Variants in CLIC5 observed in about 807,000 individuals in gnomAD.
CLIC5 encodes the protein CLIC family member 5.
A neutral mutation model predicts 24.7 loss-of-function variants in CLIC5; 20 were observed. That is an observed-to-expected ratio of 0.81 (90% CI 0.57 to 1.18). The LOEUF (loss-of-function observed/expected upper bound fraction) is 1.18. Among genes scored for constraint, CLIC5 ranks in the 50% most tolerant of loss-of-function variants. The probability of loss-of-function intolerance (pLI) is 0.00; values close to 1 mark genes in which losing one functional copy is unlikely to be tolerated. For missense variants in CLIC5, 341 were observed against 326.1 expected, an observed-to-expected ratio of 1.05 and a Z score of -0.35; for synonymous variants, 159 against 135.6, an observed-to-expected ratio of 1.17 and a Z score of -1.20.
intron 4 of CLIC5, 38 bp downstream of exon 4, chr6:45,941,509 C>G (rs768961564): frequency 6.7e-7 from 1 of 1,486,006 alleles, no homozygotes; most frequent in Non-Finnish European, 9.4e-7. Flanking sequence ...AGCAGATAGA[C>G]CACTGCCAAG....
intron 1 of CLIC5, among the ~76,000 whole-genome samples, chr6:45,968,475 G>A (rs149241256): frequency 6.6e-6 from 1 of 152,116 alleles, no homozygotes. Flanking sequence ...AGACATGTAG[G>A]TTTTTATCTA....
intron 1 of CLIC5, among the ~76,000 whole-genome samples, chr6:46,044,006 G>T (rs896451536): frequency 6.6e-6 from 1 of 152,256 alleles, no homozygotes; most frequent in African/African-American, 2.4e-5. Flanking sequence ...TGCATTGCCT[G>T]CTTCCATATG....
intron 3 of CLIC5, among the ~76,000 whole-genome samples, chr6:45,945,814 T>C (rs1764272701): frequency 6.6e-6 from 1 of 152,214 alleles, no homozygotes; most frequent in Admixed American, 6.5e-5. Flanking sequence ...CTATACATTT[T>C]GTAAAATAAT....
chr6:46,078,205 CA>C (rs1762821563), intron 1 of CLIC5, among the ~76,000 whole-genome samples: 1 of 151,898 alleles, frequency 6.6e-6, no homozygotes. Context: ...ACTAAAAATT[CA>C]AAAATTAGCC....
chr6:45,899,597 C>G lies in CLIC5; in HGVS notation c.*3491G>C, dbSNP rs1762458874. On this transcript the variant is annotated 3_prime_UTR_variant, in exon 6 of 6. Transcript: ENST00000339561. The stretch of plus-strand genomic sequence containing the variant: ...CCAGGCCTTGCTGATTTCTGGGACT[C>G]TCATATGGTCAAGATCTATTTCAGG... The G allele has an allele frequency of 6.6e-6, 1 of 152,316 alleles. No individual in the cohort carries two copies. The highest frequency in any genetic ancestry group is 2.4e-5 in the African/African-American group (1 of 41,442). 9.4% of individuals were successfully genotyped at this position (152,316 alleles called of 1,614,324 possible).
Position 46,061,181 on chromosome 6 carries a change from T to TTTTGTTTGTTTG in CLIC5, c.540+18510_540+18521dup, listed in dbSNP as rs70996361. 1.1e-3 allele frequency among the ~76,000 whole-genome samples: 170 copies of TTTTGTTTGTTTG among 152,028 alleles called. 1 individual carries two copies. Among genetic ancestry groups the TTTTGTTTGTTTG allele is most frequent in the Middle Eastern group, 6.8e-3 (2 of 294 alleles). ...CACCTTTATAGATTTTTGTTTTTGT[T>TTTTGTTTGTTTG]TTTGTTTGTTTGTTTGTTTGTTTGT... On this transcript the variant is annotated intron_variant, in intron 1 of 5. Coordinates refer to the CLIC5 transcript ENST00000185206.
chr6:46,085,560 G>A, the CLIC5 span, among the ~76,000 whole-genome samples: 5 of 152,294 alleles, frequency 3.3e-5, no homozygotes, highest in African/African-American at 1.2e-4. Context: ...GTTTGCCTGG[G>A]TATCAGCAGT....
At chr6:46,114,476 T>TCTAG in the CLIC5 span, among the ~76,000 whole-genome samples, 1 of 152,168 alleles carries the variant, frequency 6.6e-6, no homozygotes, top group African/African-American at 2.4e-5. Flanking sequence ...TCAGCATGTA[T>TCTAG]CTAGCTACAT....
intron 1 of CLIC5, 93 bp from the exon 2 acceptor site, chr6:45,955,337 C>CTGCAT: frequency 1.2e-6 from 1 of 844,650 alleles, no homozygotes; most frequent in African/African-American, 1.7e-5. Flanking sequence ...CTGAGGAGAC[C>CTGCAT]TTACTAAAAC....
intron 6 of CLIC5, among the ~76,000 whole-genome samples, chr6:45,885,974 A>G (rs1021248337): frequency 1.2e-4 from 18 of 152,304 alleles, no homozygotes; most frequent in African/African-American, 3.4e-4. Context: ...GCAAATTTCC[A>G]TGGATGAAAG....
intron 4 of CLIC5, among the ~76,000 whole-genome samples, chr6:45,936,223 A>C (rs1276598110): frequency 1.7e-5 from 1 of 58,502 alleles, no homozygotes; most frequent in African/African-American, 7.1e-5. Context: ...TTTTTTTTTG[A>C]GATGGAGTTT....
chr6:45,884,966 T>C (rs1762292350), intron 6 of CLIC5, among the ~76,000 whole-genome samples: 1 of 150,760 alleles, frequency 6.6e-6, no homozygotes, highest in Admixed American at 6.6e-5. Context: ...CTTCAGGAAA[T>C]AGGTTTTTTA....
At chr6:45,931,632 C>T (rs1763739719) in intron 4 of CLIC5, among the ~76,000 whole-genome samples, 1 of 152,086 alleles carries the variant, frequency 6.6e-6, no homozygotes, top group South Asian at 2.1e-4. Flanking sequence ...TAAGTGATAG[C>T]ATTTTGTTGT....
chr6:45,927,558 C>G (rs748893178), intron 4 of CLIC5, among the ~76,000 whole-genome samples: 9 of 152,170 alleles, frequency 5.9e-5, no homozygotes, highest in Non-Finnish European at 1.0e-4. Flanking sequence ...TGCCTCCCCC[C>G]TTCTACCAGG....
upstream of CLIC5, among the ~76,000 whole-genome samples, chr6:46,084,946 A>C (rs1200876798): frequency 6.6e-5 from 10 of 152,210 alleles, no homozygotes; most frequent in South Asian, 8.3e-4. Flanking sequence ...CACATAGTCC[A>C]ATATTTCTTG....
At chr6:46,045,724 T>G (rs1191828945) in intron 1 of CLIC5, among the ~76,000 whole-genome samples, 1 of 152,198 alleles carries the variant, frequency 6.6e-6, no homozygotes, top group Non-Finnish European at 1.5e-5. Context: ...TATACCTACT[T>G]TTTAAATTTA....
intron 1 of CLIC5, among the ~76,000 whole-genome samples, chr6:45,996,911 G>GT (rs1212478306): frequency 1.3e-5 from 2 of 152,026 alleles, no homozygotes; most frequent in Admixed American, 6.5e-5. Flanking sequence ...TGGTGGGACT[G>GT]TAAACTAGTT....
chr6:45,966,817 T>G (rs1333489958), intron 1 of CLIC5, among the ~76,000 whole-genome samples: 1 of 152,232 alleles, frequency 6.6e-6, no homozygotes, highest in African/African-American at 2.4e-5. Context: ...GAGCCCATTT[T>G]GGATCAAGAT....
chr6:46,043,427 C>T (rs1186992461), intron 1 of CLIC5, among the ~76,000 whole-genome samples: 1 of 152,172 alleles, frequency 6.6e-6, no homozygotes. Flanking sequence ...TCTCAAATAC[C>T]TGCAAAGTAC....
Sources: allele counts gnomAD v4.1 joint callset (sites outside exome capture counted in the v4.1 genomes callset), GRCh38; gene constraint gnomAD v4.1.1; transcripts MANE v1.5; gene names NCBI Gene and HGNC (gene_info 2026-07-23, HGNC 2026-07-21).